Variants in CYP24A1 observed in about 807,000 individuals in gnomAD.
CYP24A1 encodes cytochrome P450 family 24 subfamily A member 1.
Under a neutral mutation model 62.4 loss-of-function variants are expected in CYP24A1, and 68 were observed. The observed-to-expected ratio is 1.09, with a 90% CI of 0.90 to 1.33. CYP24A1 has a LOEUF of 1.33. CYP24A1 is among the 40% of genes most tolerant of loss of function. The pLI is 0.00. For synonymous variants in CYP24A1, 267 were observed against 253.0 expected (o/e 1.06, Z -0.52); for missense variants, 787 against 653.0 (o/e 1.21, Z -2.24).
intron 3 of CYP24A1, among the ~76,000 whole-genome samples, chr20:54,171,221 C>T (rs1245964985): frequency 6.6e-6 from 1 of 152,192 alleles, no homozygotes; most frequent in Non-Finnish European, 1.5e-5. Flanking sequence ...GGAACTGTTA[C>T]TCCCATTTTG....
chr20:54,166,431 C>A (rs2092672288), intron 4 of CYP24A1, among the ~76,000 whole-genome samples: 1 of 152,076 alleles, frequency 6.6e-6, no homozygotes, highest in African/African-American at 2.4e-5. Flanking sequence ...AAAATGAATA[C>A]CTGAATCCCC....
rs946455192 is a variant in CYP24A1, at chr20:54,167,733, G to A, written c.640+1859C>T. 1.6e-4 allele frequency among the ~76,000 whole-genome samples: 25 copies of A among 152,074 alleles called. 1 individual carries two copies. Among genetic ancestry groups the A allele is most frequent in the African/African-American group, 4.8e-5 (2 of 41,378 alleles). On this transcript the variant is annotated intron_variant, in intron 4 of 11. Coordinates refer to ENST00000216862, the MANE Select transcript of CYP24A1 (RefSeq NM_000782.5). ...GGTTGCAGTGAGCCGAGATCACGCC[G>A]CTGCACTCCAGCCTGGGGCAGAGTG...
At chr20:54,160,371 C>T (rs756675635) in intron 7 of CYP24A1, among the ~76,000 whole-genome samples, 26 of 152,122 alleles carry the variant, frequency 1.7e-4, no homozygotes, top group Non-Finnish European at 3.8e-4. Flanking sequence ...TTTTTTAGGC[C>T]GTACTTTGCT....
chr20:54,144,397 G>A, the CYP24A1 span, among the ~76,000 whole-genome samples: 9 of 151,152 alleles, frequency 6.0e-5, no homozygotes, highest in African/African-American at 2.2e-4. Flanking sequence ...CCACAGGTGT[G>A]CACCACCACA....
At position 54,164,552 on chromosome 20, in the gene CYP24A1, C is replaced by G; in HGVS notation, c.744G>C (p.Thr248=). The G allele has an allele frequency of 6.2e-7, 1 of 1,614,050 alleles. No individual in the cohort carries two copies. The highest frequency in any genetic ancestry group is 8.5e-7 in the Non-Finnish European group (1 of 1,179,998). ...FIMAIKTMMS[T]FGRMMVTPVE... ...CTGGAGTGACCATCATCCTCCCAAA[C>G]GTGCTCATCATCTGAGAGAAATGCA... Residue 248 remains threonine (T), a synonymous_variant, in exon 6 of 12, where the codon ACG becomes ACC. Coordinates refer to ENST00000216862, the MANE Select transcript of CYP24A1 (RefSeq NM_000782.5).
At position 54,173,422 on chromosome 20, in the gene CYP24A1, T is replaced by C; in HGVS notation, c.158A>G (p.Gln53Arg). The C allele has an allele frequency of 6.4e-7, 1 of 1,572,710 alleles. No homozygotes were observed. The part of the protein sequence containing the change: ...VCPLTAGGET[Q>R]NAAALPGPTS... ...GGGGCCCGGCAGGGCGGCCGCGTTCTGAGTCTCGCCACCAGCTGTCAGCGG... is the reference window on the plus strand; with the variant it reads ...GGGGCCCGGCAGGGCGGCCGCGTTCCGAGTCTCGCCACCAGCTGTCAGCGG... Residue 53 changes from glutamine to arginine, a missense_variant, in exon 1 of 12, where the codon CAG becomes CGG. By Grantham distance (43) the Gln-to-Arg change is conservative (BLOSUM62 1). Transcript: ENST00000216862. This position sits in a 1 kb window ranked among gnomAD's most constrained non-coding sequence, Gnocchi z 7.2.
chr20:54,162,056 G>A (rs2092652341), intron 7 of CYP24A1, among the ~76,000 whole-genome samples: 1 of 152,102 alleles, frequency 6.6e-6, no homozygotes. Flanking sequence ...GTCTCACTTA[G>A]TATCTGCTAT....
rs75209626 is a variant in CYP24A1, at chr20:54,173,733, A to C, written c.-154T>G. On this transcript the variant is annotated 5_prime_UTR_variant, in exon 1 of 12. Transcript: ENST00000216862. This position sits in a 1 kb window ranked among gnomAD's most constrained non-coding sequence, Gnocchi z 7.2. ...TGGAGCGGGGTGAGGCGGGACAGGC[A>C]GCAGAAAGGACCTCGGCGAGGATGC... 3,635 of 620,526 alleles carry C rather than the reference A, an allele frequency of 5.9e-3. 122 individuals are homozygous for C. The African/African-American group carries it at 0.06, about 10-fold the overall frequency. The allele number at this position is 620,526 out of a possible 1,614,324, so 38.4% of individuals were successfully genotyped here.
intron 3 of CYP24A1, among the ~76,000 whole-genome samples, chr20:54,171,233 A>G (rs560614837): frequency 1.1e-4 from 16 of 152,346 alleles, no homozygotes; most frequent in Admixed American, 3.3e-4. Flanking sequence ...CCCATTTTGT[A>G]GATGGGGAAA....
chr20:54,147,470 G>A, the CYP24A1 span, among the ~76,000 whole-genome samples: 1 of 152,192 alleles, frequency 6.6e-6, no homozygotes, highest in African/African-American at 2.4e-5. Context: ...CTCAGGCCCT[G>A]CCCCAGAAAG....
At position 54,158,062 on chromosome 20, in the gene CYP24A1, A is replaced by G. The variant is rs2274130; in HGVS notation, c.1236+24T>C. The G allele has an allele frequency of 0.24, 393,963 of 1,612,048 alleles. 53,797 individuals are homozygous for G. Among genetic ancestry groups the G allele is most frequent in the East Asian group, 0.59 (26,612 of 44,848 alleles). On this transcript the variant is annotated intron_variant, in intron 9 of 11. Coordinates refer to ENST00000216862, the MANE Select transcript of CYP24A1 (RefSeq NM_000782.5). ...TGTATCTTCCAAGGTTTTGTAAGGT[A>G]TAGAATATACAAATTCTACTTACTC...
At chr20:54,152,820 AGGTT>A (rs1437796283), downstream of CYP24A1, among the ~76,000 whole-genome samples, 2 of 152,294 alleles carry the variant, frequency 1.3e-5, no homozygotes, top group African/African-American at 4.8e-5. Flanking sequence ...AGGCATGATC[AGGTT>A]TGGGTTTGAA....
chr20:54,159,187 G>T, intron 7 of CYP24A1, 64 bp from the exon 8 acceptor site: 2 of 1,340,804 alleles, frequency 1.5e-6, no homozygotes, highest in South Asian at 1.2e-5. Context: ...ACTATTAGCT[G>T]AAAAAAAGGT....
rs781564921 is a variant in CYP24A1, at chr20:54,164,486, G to T, written c.810C>A (p.Asp270Glu). ...HKSLNTKVWQDHTLAWDTIFK... is the reference protein window; with the variant it reads ...HKSLNTKVWQEHTLAWDTIFK... Reference sequence around the variant, plus strand: ...AAATGGTGTCCCAGGCCAGAGTGTGGTCCTGCCAGACCTTGGTGTTGAGGC... The same window carrying T: ...AAATGGTGTCCCAGGCCAGAGTGTGTTCCTGCCAGACCTTGGTGTTGAGGC... Residue 270 changes from aspartate to glutamate, a missense_variant, in exon 6 of 12, where the codon GAC becomes GAA. Asp to Glu is a conservative substitution (Grantham distance 45, BLOSUM62 2). Transcript: ENST00000216862. The T allele has an allele frequency of 6.8e-6, 11 of 1,614,034 alleles. No homozygotes were observed. The African/African-American group carries it at 1.2e-4, about 18-fold the overall frequency.
In CYP24A1 at chr20:54,173,112, G is replaced by C. The variant is rs758364747; in HGVS notation, c.259-13C>G. On this transcript the variant is annotated splice_polypyrimidine_tract_variant and intron_variant, in intron 1 of 11. Transcript: ENST00000216862. The surrounding 1 kb of genome is among the most constrained non-coding windows in gnomAD (Gnocchi z 7.2). ...TGTGGTACTCCACCTGCAGCCGGCCGGGCACAGCGCGGTGTCAGCGCGCAT... is the reference window on the plus strand; with the variant it reads ...TGTGGTACTCCACCTGCAGCCGGCCCGGCACAGCGCGGTGTCAGCGCGCAT... 6.9e-6 allele frequency: 11 copies of C among 1,601,166 alleles called. No homozygotes were observed. Among genetic ancestry groups the C allele is most frequent in the Non-Finnish European group, 8.5e-6 (10 of 1,179,704 alleles).
At chr20:54,161,077 G>A (rs1464906099) in intron 7 of CYP24A1, among the ~76,000 whole-genome samples, 1 of 152,234 alleles carries the variant, frequency 6.6e-6, no homozygotes, top group African/African-American at 2.4e-5. Context: ...CATCACAGGT[G>A]CAATCAAATC....
intron 2 of CYP24A1, 72 bp from the exon 3 acceptor site, chr20:54,171,742 G>A (rs562955395): frequency 1.2e-6 from 2 of 1,612,792 alleles, no homozygotes; most frequent in Non-Finnish European, 1.7e-6. Context: ...TACTCCAGCT[G>A]CAACTTCAGG....
At position 54,171,642 on chromosome 20, in the gene CYP24A1, TC is replaced by T. The variant is rs1214409664; in HGVS notation, c.477del (p.Ser160ValfsTer7). 1 of 1,613,782 alleles carries T rather than the reference TC, an allele frequency of 6.2e-7. No individual in the cohort carries two copies. Among genetic ancestry groups the T allele is most frequent in the African/African-American group, 1.3e-5 (1 of 74,872 alleles). On this transcript the variant is annotated frameshift_variant, in exon 3 of 12. Transcript: ENST00000216862. LOFTEE classifies it high-confidence loss of function. ...TTCATTAGTTTCTTTTGAAAGGCAC[TC>T]CGGACCCGCTGCCAGTCTTCCCCTT... ...ILEGEDWQRVRSAFQKKLMKP... is the reference protein window; with the variant it reads ...ILEGEDWQRVXSAFQKKLMKP...
chr20:54,166,813 C>T (rs1176239627), intron 4 of CYP24A1, among the ~76,000 whole-genome samples: 1 of 152,110 alleles, frequency 6.6e-6, no homozygotes, highest in African/African-American at 2.4e-5. Flanking sequence ...AGGCAGACTG[C>T]TTGAGCCCAG....
Sources: allele counts gnomAD v4.1 joint callset (sites outside exome capture counted in the v4.1 genomes callset), GRCh38; gene constraint gnomAD v4.1.1; non-coding constraint Gnocchi (gnomAD v3.1); transcripts MANE v1.5; gene names NCBI Gene and HGNC (gene_info 2026-07-23, HGNC 2026-07-21).